The following AKAP6 variants were observed in gnomAD, a reference collection of about 807,000 sequenced individuals.
AKAP6 encodes the protein A-kinase anchoring protein 6, also known as A-kinase anchor protein 6.
AKAP6 carries 58 observed loss-of-function variants against 188.5 expected under a neutral mutation model. The ratio of observed to expected loss-of-function variants is 0.31; its 90% CI spans 0.25 to 0.38. AKAP6 has a LOEUF of 0.38. Among genes scored for constraint, AKAP6 ranks in the 10% least tolerant of loss-of-function variants. The pLI is 1.00. For missense variants in AKAP6, 2,710 were observed against 2,740.0 expected, an observed-to-expected ratio of 0.99 and a Z score of 0.24; for synonymous variants, 989 against 998.6, an observed-to-expected ratio of 0.99 and a Z score of 0.18.
intron 7 of AKAP6, among the ~76,000 whole-genome samples, chr14:32,606,634 A>G (rs1410639495): frequency 6.6e-6 from 1 of 152,176 alleles, no homozygotes; most frequent in East Asian, 1.9e-4. Flanking sequence ...TACTACGAGG[A>G]TGACCTAGCC....
At chr14:32,411,638 T>G (rs1389603633) in intron 1 of AKAP6, among the ~76,000 whole-genome samples, 1 of 152,136 alleles carries the variant, frequency 6.6e-6, no homozygotes, top group African/African-American at 2.4e-5. Context: ...CATCAGTTTT[T>G]GGGCATTTGG....
At chr14:32,647,625 G>A (rs1459855764) in intron 7 of AKAP6, among the ~76,000 whole-genome samples, 2 of 151,912 alleles carry the variant, frequency 1.3e-5, no homozygotes, top group Non-Finnish European at 2.9e-5. Context: ...CAGGATAAAG[G>A]GGCATCAATG....
intron 2 of AKAP6, among the ~76,000 whole-genome samples, chr14:32,521,024 G>A (rs1038197385): frequency 1.3e-5 from 2 of 152,138 alleles, no homozygotes; most frequent in African/African-American, 4.8e-5. Flanking sequence ...TTTGATGCAA[G>A]GCTGGTTCAC....
chr14:32,505,162 A>G (rs1880806674), intron 2 of AKAP6, among the ~76,000 whole-genome samples: 1 of 152,150 alleles, frequency 6.6e-6, no homozygotes, highest in Non-Finnish European at 1.5e-5. Flanking sequence ...AAATAACATA[A>G]TCATAACTCT....
At chr14:32,483,934 C>A (rs12232175) in intron 2 of AKAP6, among the ~76,000 whole-genome samples, 4 of 150,714 alleles carry the variant, frequency 2.7e-5, no homozygotes, top group South Asian at 2.1e-4. Flanking sequence ...CCTTGCCCCC[C>A]ATCCCCTGAC....
rs201619945 is a variant in AKAP6, at chr14:32,372,827, TGA to T, written c.-35+43429_-35+43430del. ...GTGTATTCACATGTGCTTGTGTGTC[TGA>T]GAGAGAGAGGAGAGAGAAAAAGAAA... On this transcript the variant is annotated intron_variant, in intron 1 of 13. Transcript: ENST00000280979. Among the ~76,000 whole-genome samples the T allele has an allele frequency of 3.3e-5, 5 of 151,328 alleles. No homozygotes were observed. The East Asian group carries it at 5.8e-4, about 18-fold the overall frequency.
intron 12 of AKAP6, among the ~76,000 whole-genome samples, chr14:32,799,569 G>A (rs963927373): frequency 1.3e-5 from 2 of 151,930 alleles, no homozygotes; most frequent in African/African-American, 4.8e-5. Context: ...CTTTAACTCA[G>A]GTGTTATTTA....
intron 12 of AKAP6, among the ~76,000 whole-genome samples, chr14:32,797,797 C>A (rs535530333): frequency 6.7e-6 from 1 of 150,154 alleles, no homozygotes; most frequent in Non-Finnish European, 1.5e-5. Context: ...AAAAAAAAAA[C>A]AACCCTAGAA....
chr14:32,524,761 A>G (rs1173329501), intron 2 of AKAP6, among the ~76,000 whole-genome samples: 2 of 152,198 alleles, frequency 1.3e-5, no homozygotes, highest in African/African-American at 2.4e-5. Flanking sequence ...AGTGCTTAGC[A>G]GCAGGCTTGC....
chr14:32,711,730 C>A (rs908989828), intron 9 of AKAP6, among the ~76,000 whole-genome samples: 2 of 151,860 alleles, frequency 1.3e-5, no homozygotes, highest in Non-Finnish European at 2.9e-5. Context: ...TCTATAGATC[C>A]CCCTTTGAGC....
intron 2 of AKAP6, among the ~76,000 whole-genome samples, chr14:32,489,365 C>G (rs925017810): frequency 1.3e-5 from 2 of 152,116 alleles, no homozygotes; most frequent in South Asian, 4.2e-4. Context: ...GATGCCACCA[C>G]GTCTAGCTAA....
At chr14:32,709,197 A>G (rs1183061274) in intron 9 of AKAP6, among the ~76,000 whole-genome samples, 2 of 152,070 alleles carry the variant, frequency 1.3e-5, no homozygotes, top group Non-Finnish European at 2.9e-5. Context: ...AAAAAGATCC[A>G]GGGATACCAT....
At chr14:32,535,875 A>G in intron 3 of AKAP6, 70 bp downstream of exon 3, 1 of 1,543,158 alleles carries the variant, frequency 6.5e-7, no homozygotes, top group Middle Eastern at 1.7e-4. Flanking sequence ...TTCAGTTTAG[A>G]GATGTAGGAT....
intron 12 of AKAP6, among the ~76,000 whole-genome samples, chr14:32,795,357 C>T (rs2033734688): frequency 6.6e-6 from 1 of 152,158 alleles, no homozygotes; most frequent in Admixed American, 6.5e-5. Context: ...GGCTAATATC[C>T]TTGATGAATG....
At chr14:32,584,862 T>C (rs1885158357) in intron 5 of AKAP6, among the ~76,000 whole-genome samples, 1 of 152,214 alleles carries the variant, frequency 6.6e-6, no homozygotes, top group African/African-American at 2.4e-5. Context: ...ATTGTATGGA[T>C]ATACCACAAT....
intron 1 of AKAP6, among the ~76,000 whole-genome samples, chr14:32,331,333 T>A (rs745540597): frequency 6.6e-6 from 1 of 152,026 alleles, no homozygotes; most frequent in Non-Finnish European, 1.5e-5. Flanking sequence ...AAAAGCTAGA[T>A]TCCTTAAGGG....
chr14:32,586,040 G>A (rs998670122), intron 5 of AKAP6, among the ~76,000 whole-genome samples: 19 of 152,152 alleles, frequency 1.2e-4, no homozygotes, highest in Admixed American at 1.2e-3. Flanking sequence ...CCATATATTT[G>A]ATGGGGGTAG....
intron 9 of AKAP6, among the ~76,000 whole-genome samples, chr14:32,701,488 A>T (rs1032834149): frequency 2.0e-5 from 3 of 152,098 alleles, no homozygotes; most frequent in African/African-American, 7.2e-5. Flanking sequence ...GGATTTTTTT[A>T]AAATACAAGG....
intron 1 of AKAP6, among the ~76,000 whole-genome samples, chr14:32,416,059 C>A (rs918338529): frequency 1.3e-5 from 2 of 152,108 alleles, no homozygotes; most frequent in African/African-American, 4.8e-5. Context: ...TGGGCATATA[C>A]CCAAAGGGGA....
Sources: allele counts gnomAD v4.1 joint callset (sites outside exome capture counted in the v4.1 genomes callset), GRCh38; gene constraint gnomAD v4.1.1; transcripts MANE v1.5; gene names NCBI Gene and HGNC (gene_info 2026-07-23, HGNC 2026-07-21).